Variants in LCN12 observed in about 807,000 individuals in gnomAD.
The protein encoded by LCN12 is lipocalin 12.
A neutral mutation model predicts 23.7 loss-of-function variants in LCN12; 15 were observed. The ratio of observed to expected loss-of-function variants is 0.63; its 90% CI spans 0.42 to 0.97. LCN12 has a LOEUF of 0.97. Ranked by LOEUF, LCN12 falls within the 50% of genes least tolerant of loss-of-function variation. The pLI is 0.00. For synonymous variants in LCN12, 116 were observed against 111.5 expected (o/e 1.04, Z -0.25); for missense variants, 219 against 249.6 (o/e 0.88, Z 0.83).
At position 136,952,432 on chromosome 9, in the gene LCN12, A is replaced by G; in HGVS notation, c.105A>G (p.Gln35=). 1 of 1,607,642 alleles carries G rather than the reference A, an allele frequency of 6.2e-7. No individual in the cohort carries two copies. Among genetic ancestry groups the G allele is most frequent in the Non-Finnish European group, 8.5e-7 (1 of 1,174,632 alleles). Residue 35 remains glutamine (Q), a synonymous_variant, in exon 1 of 6, where the codon CAA becomes CAG. Coordinates refer to ENST00000371633, the MANE Select transcript of LCN12 (RefSeq NM_178536.4). ...TCCCGCCCCCGATGCAGAGCTTCCA[A>G]GGAAACCAGGTACAGGGGTTTTGAC... The part of the protein sequence containing the change: ...LPLPPPMQSF[Q]GNQFQGEWFV...
upstream of LCN12, among the ~76,000 whole-genome samples, chr9:136,951,925 G>C (rs192196481): frequency 6.6e-6 from 1 of 152,372 alleles, no homozygotes; most frequent in Admixed American, 6.5e-5. Context: ...GGCTGCGGCA[G>C]GTCACGCTGT....
rs751892941 is a variant in LCN12 at position 136,954,476 on chromosome 9, C to T, written c.550+221C>T. 5.6e-5 allele frequency: 37 copies of T among 660,244 alleles called. No individual in the cohort carries two copies. The East Asian group carries it at 6.1e-4, about 11-fold the overall frequency. The allele number at this position is 660,244 out of a possible 1,614,324, so 40.9% of individuals were successfully genotyped here. On this transcript the variant is annotated intron_variant, in intron 5 of 5. Transcript: ENST00000371633. ...TGTCCTGGGCCACCTCCTCCCACCC[C>T]GGGTCTCCTGTCCCGGGCCACCTCC...
At chr9:136,953,820 C>T (rs921578446) in intron 3 of LCN12, 28 bp from the exon 4 acceptor site, 22 of 1,598,666 alleles carry the variant, frequency 1.4e-5, no homozygotes, top group African/African-American at 2.7e-5. Flanking sequence ...TGCTGGCCCA[C>T]AGGGATGTGA....
chr9:136,956,538 A>G (rs547933356), downstream of LCN12, among the ~76,000 whole-genome samples: 1 of 152,192 alleles, frequency 6.6e-6, no homozygotes, highest in East Asian at 1.9e-4. Flanking sequence ...CCACAATTCA[A>G]CCTTTTCTGT....
chr9:136,952,579 G>A, intron 1 of LCN12, 138 bp downstream of exon 1: 1 of 681,180 alleles, frequency 1.5e-6, no homozygotes, highest in Non-Finnish European at 2.5e-6. Context: ...GCGGGCCCCT[G>A]ACCTCCAGCA....
intron 5 of LCN12, 172 bp downstream of exon 5, chr9:136,954,427 C>T: frequency 2.5e-6 from 2 of 815,510 alleles, no homozygotes; most frequent in South Asian, 1.4e-5. Context: ...GGCTCTGAGC[C>T]ACCTCCTGCC....
chr9:136,952,766 C>A, intron 1 of LCN12, 126 bp from the exon 2 acceptor site: 2 of 1,136,568 alleles, frequency 1.8e-6, no homozygotes, highest in Non-Finnish European at 2.5e-6. Flanking sequence ...TCCCTGGCGC[C>A]GGCCCAGCCA....
Position 136,952,279 on chromosome 9 carries a change from C to G in LCN12, c.-49C>G. On this transcript the variant is annotated 5_prime_UTR_variant, in exon 1 of 6. Transcript: ENST00000371633. ...AGAGGTGGGTCTCTGGGTCACCTGC[C>G]CATGGCCACTTCCTTCTCTCTGTCC... is the stretch of plus-strand genomic sequence containing the variant. 7.3e-7 allele frequency: 1 copy of G among 1,375,710 alleles called. No homozygotes were observed. 85.2% of individuals were successfully genotyped at this position (1,375,710 alleles called of 1,614,324 possible). A position where few individuals can be genotyped will look rare whatever the true frequency, so the allele number is the denominator to read the frequency against.
At chr9:136,949,478 G>T (rs1851099940), upstream of LCN12, 1 of 152,306 alleles carries the variant, frequency 6.6e-6, no homozygotes, top group African/African-American at 2.4e-5. Context: ...TCCTCCATGT[G>T]GGGACGAGGC....
chr9:136,952,224 G>A (rs1564446083), upstream of LCN12: 3 of 811,114 alleles, frequency 3.7e-6, no homozygotes. Context: ...ACACCCCCTT[G>A]GGAGGGGCAC....
Position 136,952,319 on chromosome 9 carries a change from G to A in LCN12, c.-9G>A. 2 of 1,599,990 alleles carry A rather than the reference G, an allele frequency of 1.3e-6. No homozygotes were observed. The highest frequency in any genetic ancestry group is 2.2e-5 in the South Asian group (2 of 89,574). ...TCTCTCTGTCCCTGTGGGCCCAGCAGCTGCCAGGATGAGGCTGCTGTGTGG... is the reference window on the plus strand; with the variant it reads ...TCTCTCTGTCCCTGTGGGCCCAGCAACTGCCAGGATGAGGCTGCTGTGTGG... On this transcript the variant is annotated 5_prime_UTR_variant, in exon 1 of 6. Transcript: ENST00000371633.
At chr9:136,952,691 A>G in intron 1 of LCN12, 1 of 657,890 alleles carries the variant, frequency 1.5e-6, no homozygotes, top group South Asian at 1.9e-5. Context: ...GGAAGGCCGC[A>G]CAGCCACTGG....
upstream of LCN12, among the ~76,000 whole-genome samples, chr9:136,949,349 C>A (rs566750634): frequency 6.6e-6 from 1 of 152,370 alleles, no homozygotes; most frequent in East Asian, 1.9e-4. Context: ...CTTGCCTGGA[C>A]GTGAGAGTGC....
At chr9:136,949,531 C>T (rs1851100999), upstream of LCN12, 1 of 152,418 alleles carries the variant, frequency 6.6e-6, no homozygotes, top group Non-Finnish European at 1.5e-5. Context: ...TGGCCCCCCA[C>T]CCCACCCCCA....
chr9:136,954,162 T>C lies in LCN12; in HGVS notation c.457T>C (p.Trp153Arg), dbSNP rs1182257511. 1.9e-6 allele frequency: 3 copies of C among 1,558,376 alleles called. No individual in the cohort carries two copies. Among genetic ancestry groups the C allele is most frequent in the Admixed American group, 1.9e-5 (1 of 53,050 alleles). ...GGCTCCCTGGGCTGCAGGCAGGAGC[T>C]GGTTGCTGCCTCCCGGGACGCTGGA... is the stretch of plus-strand genomic sequence containing the variant. ...VLRISLLGRS[W>R]LLPPGTLDQF... The change falls in exon 5 of 6, where the codon TGG becomes CGG. Residue 153 changes from tryptophan (W) to arginine (R), a missense_variant. By Grantham distance (101) the Trp-to-Arg change is moderately radical. Coordinates refer to ENST00000371633, the MANE Select transcript of LCN12 (RefSeq NM_178536.4).
chr9:136,954,028 G>C, intron 4 of LCN12, 64 bp downstream of exon 4: 2 of 1,579,100 alleles, frequency 1.3e-6, no homozygotes, highest in Non-Finnish European at 1.7e-6. Flanking sequence ...CCAGGCTTTG[G>C]GTCAGACCCT....
In LCN12 at chr9:136,954,233, C is replaced by T. The variant is rs766627089; in HGVS notation, c.528C>T (p.Asn176=). ...LGRAQGLSDD[N]IVFPDVTGWS... ...GAGCTCAGGGCCTCTCGGATGACAA[C>T]ATCGTCTTCCCAGATGTGACTGGTA... Residue 176 remains asparagine (N), a synonymous_variant, in exon 5 of 6, where the codon AAC becomes AAT. Coordinates refer to ENST00000371633, the MANE Select transcript of LCN12 (RefSeq NM_178536.4). The T allele has an allele frequency of 4.5e-5, 71 of 1,576,752 alleles. No homozygotes were observed. Among genetic ancestry groups the T allele is most frequent in the Non-Finnish European group, 5.5e-5 (64 of 1,160,624 alleles).
chr9:136,950,205 G>T (rs544170918), upstream of LCN12, among the ~76,000 whole-genome samples: 48 of 152,324 alleles, frequency 3.2e-4, no homozygotes, highest in African/African-American at 7.9e-4. Context: ...GCCCCGCGGT[G>T]GGGGGAGGAG....
intron 1 of LCN12, 130 bp downstream of exon 1, chr9:136,952,571 G>A (rs1851183662): frequency 1.1e-5 from 8 of 709,698 alleles, no homozygotes; most frequent in South Asian, 3.7e-5. Context: ...GCCCCCAGGC[G>A]GGCCCCTGAC....
Sources: allele counts gnomAD v4.1 joint callset (sites outside exome capture counted in the v4.1 genomes callset), GRCh38; gene constraint gnomAD v4.1.1; transcripts MANE v1.5; gene names NCBI Gene and HGNC (gene_info 2026-07-23, HGNC 2026-07-21).